Variants in TCTN2 observed in about 807,000 individuals in gnomAD.
The protein encoded by TCTN2 is tectonic-2.
A neutral mutation model predicts 83.4 loss-of-function variants in TCTN2; 66 were observed. The observed-to-expected ratio is 0.79, with a 90% CI of 0.65 to 0.97. The LOEUF is 0.97. Among genes scored for constraint, TCTN2 ranks in the 50% least tolerant of loss-of-function variants. The probability of loss-of-function intolerance (pLI) is 0.00; values close to 1 mark genes in which losing one functional copy is unlikely to be tolerated. For missense variants in TCTN2, 794 were observed against 858.1 expected (o/e 0.93, Z 0.93); for synonymous variants, 301 against 326.7 (o/e 0.92, Z 0.85).
intron 8 of TCTN2, among the ~76,000 whole-genome samples, chr12:123,692,360 T>C (rs1420961584): frequency 6.6e-6 from 1 of 152,238 alleles, no homozygotes; most frequent in Non-Finnish European, 1.5e-5. Flanking sequence ...TTTTCTACAG[T>C]GTCTGCACCA....
At chr12:123,684,024 G>A (rs1293914120) in intron 5 of TCTN2, among the ~76,000 whole-genome samples, 1 of 152,124 alleles carries the variant, frequency 6.6e-6, no homozygotes, top group African/African-American at 2.4e-5. Context: ...AGTCCCTCTC[G>A]TATTTGGGTG....
At chr12:123,687,928 C>A in intron 6 of TCTN2, 123 bp from the exon 7 acceptor site, 1 of 1,346,990 alleles carries the variant, frequency 7.4e-7, no homozygotes, top group East Asian at 2.4e-5. Context: ...CACGCCACTG[C>A]ACTCCAGCCT....
chr12:123,695,886 C>A, intron 11 of TCTN2: 1 of 159,230 alleles, frequency 6.3e-6, no homozygotes, highest in Non-Finnish European at 1.4e-5. Flanking sequence ...TCTTGTCACC[C>A]AGGCTGGAGT....
At chr12:123,679,098 AT>A (rs1336933106) in intron 4 of TCTN2, 90 bp from the exon 5 acceptor site, 14 of 1,248,978 alleles carry the variant, frequency 1.1e-5, no homozygotes, top group Non-Finnish European at 1.5e-5. Context: ...CGCCTGGCCG[AT>A]AATTCAGCTT....
rs1316382126 is a variant in TCTN2 at position 123,690,641 on chromosome 12, A to G, written c.1000A>G (p.Ile334Val). The G allele has an allele frequency of 6.2e-7, 1 of 1,614,088 alleles. No individual in the cohort carries two copies. The highest frequency in any genetic ancestry group is 1.3e-5 in the African/African-American group (1 of 74,926). Residue 334 changes from isoleucine to valine, a missense_variant, in exon 8 of 18, where the codon ATC becomes GTC. Ile to Val is a conservative substitution (Grantham distance 29). Transcript: ENST00000303372. The part of the protein sequence containing the change: ...LELYQERDGI[I>V]NAKIKNVALG... ...ACTATACCAAGAACGAGATGGTATT[A>G]TCAATGCGAAGATAAAGAATGTTGC...
chr12:123,690,584 A>G lies in TCTN2; in HGVS notation c.943A>G (p.Asn315Asp). The change falls in exon 8 of 18, where the codon AAT becomes GAT. Residue 315 changes from asparagine to aspartate, a missense_variant. By Grantham distance (23) the Asn-to-Asp change is conservative (BLOSUM62 1). Coordinates refer to ENST00000303372, the MANE Select transcript of TCTN2 (RefSeq NM_024809.5). Reference protein sequence around the residue: ...MQNAPVAFLHNFDVKCVTNLE... With the variant: ...MQNAPVAFLHDFDVKCVTNLE... ...GAACGCCCCAGTGGCATTTCTTCACAATTTTGATGTTAAATGCGTTACTAA... is the reference window on the plus strand; with the variant it reads ...GAACGCCCCAGTGGCATTTCTTCACGATTTTGATGTTAAATGCGTTACTAA... 1 of 1,614,208 alleles carries G rather than the reference A, an allele frequency of 6.2e-7. No homozygotes were observed.
At chr12:123,687,774 G>A (rs1955990872) in intron 6 of TCTN2, among the ~76,000 whole-genome samples, 1 of 151,988 alleles carries the variant, frequency 6.6e-6, no homozygotes, top group African/African-American at 2.4e-5. Flanking sequence ...ACGAGCCTGG[G>A]TACGTGGTGA....
intron 13 of TCTN2, among the ~76,000 whole-genome samples, chr12:123,698,854 A>AGC (rs1347577224): frequency 6.6e-6 from 1 of 152,166 alleles, no homozygotes; most frequent in East Asian, 1.9e-4. Context: ...TATTGGCAGC[A>AGC]GCTCCTGATT....
intron 5 of TCTN2, among the ~76,000 whole-genome samples, chr12:123,680,988 G>T (rs1955892823): frequency 6.6e-6 from 1 of 151,940 alleles, no homozygotes; most frequent in South Asian, 2.1e-4. Context: ...GAAAGAACAG[G>T]CCTGGCGAAG....
In TCTN2 at chr12:123,699,804, A is replaced by G. The variant is rs1956151338; in HGVS notation, c.1606A>G (p.Ile536Val). The G allele has an allele frequency of 6.2e-7, 1 of 1,613,844 alleles. No homozygotes were observed. Among genetic ancestry groups the G allele is most frequent in the East Asian group, 2.2e-5 (1 of 44,884 alleles). Residue 536 changes from isoleucine to valine, a missense_variant, in exon 14 of 18, where the codon ATA becomes GTA. By Grantham distance (29) the Ile-to-Val change is conservative (BLOSUM62 3). Transcript: ENST00000303372. ...YADLSDGWLE[I>V]IRVDAPDPGA... ...TGATCTTAGTGATGGCTGGCTCGAA[A>G]TAATACGTAAGTCAAACCCGGGTAC... is the stretch of plus-strand genomic sequence containing the variant.
At position 123,678,222 on chromosome 12, in the gene TCTN2, A is replaced by G. The variant is rs79639515; in HGVS notation, c.464-967A>G. Among the ~76,000 whole-genome samples, 1,390 of 152,320 alleles carry G rather than the reference A, an allele frequency of 9.1e-3. 27 individuals carry two copies. The highest frequency in any genetic ancestry group is 0.031 in the African/African-American group (1,308 of 41,558). ...TGCACTGTTGGGTACCACAGCCACG[A>G]ACCATGTCTGGACACTGGACAGTTG... is the stretch of plus-strand genomic sequence containing the variant. On this transcript the variant is annotated intron_variant, in intron 4 of 17. Coordinates refer to ENST00000303372, the MANE Select transcript of TCTN2 (RefSeq NM_024809.5).
Position 123,679,238 on chromosome 12 carries a change from T to C in TCTN2, c.513T>C (p.Cys171=), listed in dbSNP as rs775450192. 13 of 1,614,162 alleles carry C rather than the reference T, an allele frequency of 8.1e-6. No individual in the cohort carries two copies. The highest frequency in any genetic ancestry group is 1.1e-5 in the Non-Finnish European group (13 of 1,179,982). ...AGGTGTATCAGCCCCTTGGCCCTTGTCCTTGTAATTTAACAGCTGGAGCCT... is the reference window on the plus strand; with the variant it reads ...AGGTGTATCAGCCCCTTGGCCCTTGCCCTTGTAATTTAACAGCTGGAGCCT... ...PNQVYQPLGP[C]PCNLTAGACD... is the part of the protein sequence containing the mutation. The change falls in exon 5 of 18, where the codon TGT becomes TGC. Residue 171 remains cysteine (C), a synonymous_variant. Coordinates refer to ENST00000303372, the MANE Select transcript of TCTN2 (RefSeq NM_024809.5).
At chr12:123,685,820 G>T (rs990884789) in intron 5 of TCTN2, among the ~76,000 whole-genome samples, 4 of 149,390 alleles carry the variant, frequency 2.7e-5, no homozygotes, top group Non-Finnish European at 5.9e-5. Context: ...CAGCCTCCTG[G>T]ACTCAAGCAG....
At chr12:123,685,383 C>T (rs1387882611) in intron 5 of TCTN2, among the ~76,000 whole-genome samples, 1 of 152,136 alleles carries the variant, frequency 6.6e-6, no homozygotes, top group Non-Finnish European at 1.5e-5. Flanking sequence ...CTGGATCCTT[C>T]GTGAAACAAG....
intron 4 of TCTN2, among the ~76,000 whole-genome samples, chr12:123,674,140 GT>G (rs765267946): frequency 1.1e-4 from 16 of 152,088 alleles, no homozygotes; most frequent in Non-Finnish European, 1.9e-4. Flanking sequence ...CTTTTGTTTA[GT>G]TTTCTTTTAA....
rs1253184492 is a variant in TCTN2, at chr12:123,694,951, G to A, written c.1209G>A (p.Arg403=). 1.2e-6 allele frequency: 2 copies of A among 1,613,524 alleles called. No homozygotes were observed. The highest frequency in any genetic ancestry group is 2.2e-5 in the South Asian group (2 of 91,032). The part of the protein sequence containing the change: ...TISEINVKIF[R]AEINAHQKGI... ...GTGAAATAAATGTTAAAATTTTTAGGGCAGAGATTAATGCCCACCAGAAAG... is the reference window on the plus strand; with the variant it reads ...GTGAAATAAATGTTAAAATTTTTAGAGCAGAGATTAATGCCCACCAGAAAG... Residue 403 remains arginine, a synonymous_variant, in exon 10 of 18, where the codon AGG becomes AGA. Transcript: ENST00000303372.
intron 12 of TCTN2, chr12:123,696,717 G>C (rs532936105): frequency 1.7e-6 from 1 of 578,084 alleles, no homozygotes; most frequent in African/African-American, 1.9e-5. Context: ...CTGGTTGCTA[G>C]TAGAAAAGAT....
At chr12:123,699,600 T>C (rs1256794198) in intron 13 of TCTN2, 104 bp from the exon 14 acceptor site, 3 of 972,630 alleles carry the variant, frequency 3.1e-6, no homozygotes, top group Non-Finnish European at 4.9e-6. Flanking sequence ...CCTCTGGCAG[T>C]TTTTAATTTA....
chr12:123,707,332 T>C (rs1215144786), intron 17 of TCTN2: 4 of 612,174 alleles, frequency 6.5e-6, no homozygotes, highest in Non-Finnish European at 1.2e-5. Context: ...CTGCAACCAT[T>C]GCCTCCTGGG....
Sources: gnomAD v4.1 joint callset for allele counts (sites outside exome capture counted in the v4.1 genomes callset) on GRCh38, gnomAD v4.1.1 for gene constraint, MANE v1.5 for transcripts, NCBI Gene and HGNC (gene_info 2026-07-23, HGNC 2026-07-21) for gene names.